The following ZSCAN25 variants were observed in gnomAD, a reference collection of about 807,000 sequenced individuals.
ZSCAN25 encodes zinc finger and SCAN domain-containing protein 25.
Under a neutral mutation model 38.7 loss-of-function variants are expected in ZSCAN25, and 27 were observed. The ratio of observed to expected loss-of-function variants is 0.70; its 90% CI spans 0.51 to 0.96. ZSCAN25 has a LOEUF of 0.96. Ranked by LOEUF, ZSCAN25 falls within the 40% of genes least tolerant of loss-of-function variation. ZSCAN25 has a pLI of 0.00. For missense variants in ZSCAN25, 637 were observed against 705.9 expected (o/e 0.90, Z 1.11); for synonymous variants, 273 against 277.7 (o/e 0.98, Z 0.17).
chr7:99,638,669 A>G, the ZSCAN25 span: 4 of 1,553,934 alleles, frequency 2.6e-6, no homozygotes, highest in South Asian at 2.2e-5. Flanking sequence ...CCCAGCTTCA[A>G]CATTTACAGG....
chr7:99,707,829 G>T, the ZSCAN25 span: 1 of 1,613,752 alleles, frequency 6.2e-7, no homozygotes, highest in Non-Finnish European at 8.5e-7. Flanking sequence ...TCTTTACAAG[G>T]TTTGAAGGAG....
chr7:99,708,787 T>G, the ZSCAN25 span, among the ~76,000 whole-genome samples: 2 of 152,322 alleles, frequency 1.3e-5, no homozygotes, highest in East Asian at 1.9e-4. Context: ...TTTGGACACT[T>G]ATGACCCATA....
At chr7:99,692,980 G>GT in the ZSCAN25 span, among the ~76,000 whole-genome samples, 6 of 152,228 alleles carry the variant, frequency 3.9e-5, no homozygotes, top group South Asian at 6.2e-4. Context: ...GAGATGCTCT[G>GT]TTTTTTGGAA....
chr7:99,651,326 G>T, the ZSCAN25 span, among the ~76,000 whole-genome samples: 10 of 152,086 alleles, frequency 6.6e-5, no homozygotes, highest in South Asian at 2.1e-3. Flanking sequence ...ATGGATTTAT[G>T]GATTTATATA....
At chr7:99,724,012 A>G in the ZSCAN25 span, among the ~76,000 whole-genome samples, 1 of 152,048 alleles carries the variant, frequency 6.6e-6, no homozygotes, top group Non-Finnish European at 1.5e-5. Context: ...CCCCTGGGTC[A>G]CAAGTATCAC....
the ZSCAN25 span, among the ~76,000 whole-genome samples, chr7:99,642,205 T>G: frequency 6.6e-6 from 1 of 152,240 alleles, no homozygotes; most frequent in South Asian, 2.1e-4. Flanking sequence ...GACACTCTTT[T>G]CACCAAGAGT....
the ZSCAN25 span, among the ~76,000 whole-genome samples, chr7:99,712,397 G>A: frequency 3.3e-5 from 5 of 152,210 alleles, no homozygotes; most frequent in African/African-American, 9.6e-5. Context: ...GCTGTCCAAT[G>A]TGGTAGCCAC....
chr7:99,730,643 C>A, the ZSCAN25 span: 1 of 195,080 alleles, frequency 5.1e-6, no homozygotes, highest in East Asian at 1.2e-4. Context: ...TTCATGAGCT[C>A]TTGCTACAGA....
the ZSCAN25 span, chr7:99,660,426 C>T: frequency 4.7e-6 from 7 of 1,503,908 alleles, no homozygotes; most frequent in Non-Finnish European, 6.2e-6. Context: ...AAAAATTCTC[C>T]TGGGGAGTGG....
chr7:99,710,828 C>T, the ZSCAN25 span: 38 of 1,613,654 alleles, frequency 2.4e-5, no homozygotes, highest in Non-Finnish European at 2.9e-5. Flanking sequence ...GAACACTGCT[C>T]GTGGTTTCAT....
At chr7:99,711,018 C>T in the ZSCAN25 span, 1 of 1,496,062 alleles carries the variant, frequency 6.7e-7, no homozygotes, top group Non-Finnish European at 9.0e-7. Context: ...AATTCAGAGT[C>T]TCACTGGGGG....
downstream of ZSCAN25, among the ~76,000 whole-genome samples, chr7:99,633,088 C>T (rs1179119943): frequency 1.3e-5 from 2 of 151,332 alleles, no homozygotes; most frequent in Non-Finnish European, 2.9e-5. Flanking sequence ...CGGGTTCAAG[C>T]GATTCTCCTG....
chr7:99,650,313 CAA>C, the ZSCAN25 span: 6 of 1,349,824 alleles, frequency 4.4e-6, no homozygotes, highest in Non-Finnish European at 6.3e-6. Context: ...TACTTAAGAA[CAA>C]CCCCCCTCCA....
In ZSCAN25 at chr7:99,632,212, G is replaced by A; in HGVS notation, c.*2192G>A. The A allele has an allele frequency of 7.1e-6, 7 of 985,406 alleles. No individual in the cohort carries two copies. The highest frequency in any genetic ancestry group is 8.4e-6 in the Non-Finnish European group (7 of 829,930). The allele number at this position is 985,406 out of a possible 1,614,324, so 61.0% of individuals were successfully genotyped here. On this transcript the variant is annotated 3_prime_UTR_variant, in exon 8 of 8. Transcript: ENST00000394152. ...GAGCTTAGGACAGTGTCTCAGAAAA[G>A]CCTCTAAGTAGGGGGTTTTTCCCAT...
chr7:99,625,623 G>A (rs997013531), intron 7 of ZSCAN25, among the ~76,000 whole-genome samples: 1 of 152,188 alleles, frequency 6.6e-6, no homozygotes, highest in African/African-American at 2.4e-5. Flanking sequence ...GCAGGGGCTC[G>A]AGTGATGAGC....
chr7:99,624,008 T>G, intron 6 of ZSCAN25, 49 bp from the exon 7 acceptor site: 1 of 1,613,008 alleles, frequency 6.2e-7, no homozygotes, highest in Non-Finnish European at 8.5e-7. Flanking sequence ...AGCCACTGTC[T>G]CTGGCCTAGG....
At chr7:99,712,330 C>T in the ZSCAN25 span, among the ~76,000 whole-genome samples, 1 of 152,164 alleles carries the variant, frequency 6.6e-6, no homozygotes, top group Non-Finnish European at 1.5e-5. Flanking sequence ...ATTCTGTTAC[C>T]ATGAACCTGA....
chr7:99,685,358 T>C, the ZSCAN25 span: 1 of 1,321,588 alleles, frequency 7.6e-7, no homozygotes, highest in Non-Finnish European at 1.1e-6. Flanking sequence ...TTACAAACTA[T>C]GTGGAAATTC....
chr7:99,731,250 G>A, the ZSCAN25 span: 2 of 1,381,618 alleles, frequency 1.4e-6, no homozygotes, highest in African/African-American at 2.9e-5. Context: ...ATCAGGCAAA[G>A]GAGGTAACAT....
Sources: gnomAD v4.1 joint callset for allele counts (sites outside exome capture counted in the v4.1 genomes callset) on GRCh38, gnomAD v4.1.1 for gene constraint, MANE v1.5 for transcripts, NCBI Gene and HGNC (gene_info 2026-07-23, HGNC 2026-07-21) for gene names.